The following PDS5A variants were observed in gnomAD, a reference collection of about 807,000 sequenced individuals.
PDS5A encodes sister chromatid cohesion protein PDS5 homolog A.
A neutral mutation model predicts 167.1 loss-of-function variants in PDS5A; 42 were observed. The ratio of observed to expected loss-of-function variants is 0.25; its 90% CI spans 0.20 to 0.33. The LOEUF is 0.33. Ranked by LOEUF, PDS5A falls within the 10% of genes least tolerant of loss-of-function variation. PDS5A has a pLI of 1.00. For missense variants in PDS5A, 1,033 were observed against 1,605.9 expected (o/e 0.64, Z 6.10); for synonymous variants, 553 against 554.6 (o/e 1.00, Z 0.04).
At position 39,924,273 on chromosome 4, in the gene PDS5A, C is replaced by T. The variant is rs879498489; in HGVS notation, c.528-1525G>A. On this transcript the variant is annotated intron_variant, in intron 5 of 32. Transcript: ENST00000303538. ...ATCCAACCCAAATAAAATCAACTGCCAAGCAGAATCATGAGCTAAATAAAA... is the reference window on the plus strand; with the variant it reads ...ATCCAACCCAAATAAAATCAACTGCTAAGCAGAATCATGAGCTAAATAAAA... Among the ~76,000 whole-genome samples the T allele has an allele frequency of 7.2e-5, 11 of 152,140 alleles. No homozygotes were observed. The East Asian group carries it at 1.2e-3, about 16-fold the overall frequency.
intron 21 of PDS5A, 81 bp from the exon 22 acceptor site, chr4:39,869,543 C>G (rs1719840824): frequency 1.2e-6 from 1 of 830,708 alleles, no homozygotes; most frequent in Non-Finnish European, 2.1e-6. Context: ...TCATGTTGAT[C>G]AACACAGCCT....
intron 16 of PDS5A, among the ~76,000 whole-genome samples, chr4:39,895,902 T>C (rs1294478683): frequency 1.3e-5 from 2 of 151,792 alleles, no homozygotes; most frequent in Non-Finnish European, 2.9e-5. Flanking sequence ...TTTTTTGTAT[T>C]TTTAGTAGAG....
intron 2 of PDS5A, among the ~76,000 whole-genome samples, chr4:39,957,327 A>G (rs1210257373): frequency 6.6e-6 from 1 of 151,990 alleles, no homozygotes; most frequent in Non-Finnish European, 1.5e-5. Context: ...AAGAAAAAAA[A>G]GAAAAAGAAA....
chr4:39,891,339 ATTTG>A (rs1265046523), intron 16 of PDS5A, among the ~76,000 whole-genome samples: 1 of 151,140 alleles, frequency 6.6e-6, no homozygotes, highest in African/African-American at 2.4e-5. Flanking sequence ...TGGCCAGTTA[ATTTG>A]TTTCTTAAAA....
intron 5 of PDS5A, among the ~76,000 whole-genome samples, chr4:39,924,885 G>A (rs1725312444): frequency 6.6e-6 from 1 of 152,200 alleles, no homozygotes; most frequent in African/African-American, 2.4e-5. Flanking sequence ...GCCGAGGTGG[G>A]TGGATCACTT....
At chr4:39,883,817 A>T (rs552341190) in intron 17 of PDS5A, among the ~76,000 whole-genome samples, 20 of 151,756 alleles carry the variant, frequency 1.3e-4, no homozygotes, top group African/African-American at 4.8e-4. Flanking sequence ...TTTTGTAGAG[A>T]TAGGGTTTTG....
chr4:39,873,933 A>G (rs1172066340), intron 20 of PDS5A, among the ~76,000 whole-genome samples: 1 of 152,138 alleles, frequency 6.6e-6, no homozygotes, highest in African/African-American at 2.4e-5. Flanking sequence ...ACTCTCAGCT[A>G]CTTGGGAGGC....
rs139110207 is a variant in PDS5A, at chr4:39,886,637, C to T, written c.1886+3612G>A. Among the ~76,000 whole-genome samples the T allele has an allele frequency of 5.0e-3, 751 of 151,672 alleles. 33 individuals are homozygous for T. The East Asian group carries it at 0.098, about 20-fold the overall frequency. On this transcript the variant is annotated intron_variant, in intron 17 of 32. Coordinates refer to ENST00000303538, the MANE Select transcript of PDS5A (RefSeq NM_001100399.2). ...CTGAGGCAGGAGAATTGCTCGAACA[C>T]AGGAGGTGGAGGCTGTGGTGAGCCA...
intron 2 of PDS5A, among the ~76,000 whole-genome samples, chr4:39,937,683 T>C (rs1476486346): frequency 6.6e-6 from 1 of 152,206 alleles, no homozygotes; most frequent in Non-Finnish European, 1.5e-5. Flanking sequence ...CTTCCCAAAG[T>C]GGTGTAAGCC....
intron 7 of PDS5A, among the ~76,000 whole-genome samples, chr4:39,919,056 C>T (rs1724674512): frequency 6.6e-6 from 1 of 152,154 alleles, no homozygotes; most frequent in Admixed American, 6.6e-5. Context: ...AGGCTGAAGA[C>T]AGACACTTCT....
intron 23 of PDS5A, among the ~76,000 whole-genome samples, chr4:39,866,145 C>T (rs1269452483): frequency 6.6e-6 from 1 of 152,140 alleles, no homozygotes; most frequent in African/African-American, 2.4e-5. Flanking sequence ...GACAGGCTCT[C>T]GCTCTGTTGC....
chr4:39,838,502 G>A (rs539300473), intron 31 of PDS5A, among the ~76,000 whole-genome samples: 19 of 151,964 alleles, frequency 1.3e-4, no homozygotes, highest in African/African-American at 4.3e-4. Flanking sequence ...CGGGAGGATC[G>A]CTTGAGCCCA....
At chr4:39,932,075 T>C (rs1048166128) in intron 2 of PDS5A, among the ~76,000 whole-genome samples, 3 of 152,050 alleles carry the variant, frequency 2.0e-5, no homozygotes, top group African/African-American at 7.2e-5. Context: ...GTATTTTTAG[T>C]AGAGACAGGA....
intron 20 of PDS5A, among the ~76,000 whole-genome samples, chr4:39,874,066 A>C (rs747989392): frequency 1.3e-5 from 2 of 152,026 alleles, no homozygotes; most frequent in Non-Finnish European, 2.9e-5. Context: ...AAAAACAAAA[A>C]CCACAAAACC....
chr4:39,971,845 A>G (rs747922769), intron 2 of PDS5A, among the ~76,000 whole-genome samples: 2 of 152,246 alleles, frequency 1.3e-5, no homozygotes, highest in Non-Finnish European at 2.9e-5. Flanking sequence ...AAAATTATCA[A>G]TAACTAAGAT....
At chr4:39,858,607 A>C (rs1431709003) in intron 26 of PDS5A, among the ~76,000 whole-genome samples, 1 of 152,196 alleles carries the variant, frequency 6.6e-6, no homozygotes, top group Admixed American at 6.5e-5. Flanking sequence ...ACTATAAGTC[A>C]TGGAAGAAAA....
Position 39,898,391 on chromosome 4 carries a change from C to G in PDS5A, c.1768G>C (p.Val590Leu), listed in dbSNP as rs1258272651. 1 of 1,559,556 alleles carries G rather than the reference C, an allele frequency of 6.4e-7. No homozygotes were observed. The highest frequency in any genetic ancestry group is 8.7e-7 in the Non-Finnish European group (1 of 1,153,404). Residue 590 changes from valine to leucine, a missense_variant and splice_region_variant, in exon 16 of 33, where the codon GTG becomes CTG. By Grantham distance (32) the Val-to-Leu change is conservative. This residue lies in a region of PDS5A where 367 missense variants were observed against 686.7 expected (regional missense o/e 0.53). Coordinates refer to ENST00000303538, the MANE Select transcript of PDS5A (RefSeq NM_001100399.2). Reference sequence around the variant, plus strand: ...AGTGTGAAGTATGATTTACTAACCACACAAATATCTGCTTGTTTGCAAGAA... The same window carrying G: ...AGTGTGAAGTATGATTTACTAACCAGACAAATATCTGCTTGTTTGCAAGAA... ...TCSCKQADIC[V>L]REIARKLANP...
At chr4:39,910,403 A>G in intron 9 of PDS5A, 65 bp from the exon 10 acceptor site, 1 of 800,612 alleles carries the variant, frequency 1.2e-6, no homozygotes, top group South Asian at 1.5e-5. Flanking sequence ...AATCAGGTAT[A>G]TCTAACATGA....
At chr4:39,947,904 A>G (rs530461276) in intron 2 of PDS5A, among the ~76,000 whole-genome samples, 12 of 152,286 alleles carry the variant, frequency 7.9e-5, no homozygotes, top group Admixed American at 5.2e-4. Flanking sequence ...AAACTTCAAC[A>G]TAAGTTTTGG....
Sources: gnomAD v4.1 joint callset for allele counts (sites outside exome capture counted in the v4.1 genomes callset) on GRCh38, gnomAD v4.1.1 for gene constraint, gnomAD v4.1.1 regional missense constraint, MANE v1.5 for transcripts, NCBI Gene and HGNC (gene_info 2026-07-23, HGNC 2026-07-21) for gene names.